CHMP1A: variants seen among roughly 807,000 people sequenced by gnomAD.
CHMP1A encodes the protein VPS46 homolog A.
A neutral mutation model predicts 27.0 loss-of-function variants in CHMP1A; 17 were observed. The ratio of observed to expected loss-of-function variants is 0.63; its 90% CI spans 0.43 to 0.95. CHMP1A has a LOEUF of 0.95. Ranked by LOEUF, CHMP1A falls within the 40% of genes least tolerant of loss-of-function variation. CHMP1A has a pLI of 0.00. For synonymous variants in CHMP1A, 131 were observed against 107.5 expected (o/e 1.22, Z -1.35); for missense variants, 275 against 264.0 (o/e 1.04, Z -0.29).
chr16:89,655,363 T>TCAGCTTTCCCTCAC (rs2059856214), intron 1 of CHMP1A, among the ~76,000 whole-genome samples: 6 of 120,358 alleles, frequency 5.0e-5, no homozygotes, highest in South Asian at 3.1e-4. Flanking sequence ...GCCCTCCTCA[T>TCAGCTTTCCCTCAC]CTCAGCTTTC....
intron 2 of CHMP1A, among the ~76,000 whole-genome samples, chr16:89,653,104 G>T (rs1175222437): frequency 7.3e-6 from 1 of 136,540 alleles, no homozygotes; most frequent in Non-Finnish European, 1.5e-5. Context: ...TGCAAGCTCT[G>T]CCTCCCAGGT....
At position 89,657,672 on chromosome 16, in the gene CHMP1A, G is replaced by C; in HGVS notation, c.-84C>G. ...GTCAGGTCCCGGCGGCGATCGAACC[G>C]ACCAAGCTGCACCCGGCGGGGACTT... On this transcript the variant is annotated 5_prime_UTR_variant, in exon 1 of 7. Coordinates refer to ENST00000397901, the MANE Select transcript of CHMP1A (RefSeq NM_002768.5). The C allele has an allele frequency of 6.4e-7, 1 of 1,564,532 alleles. No individual in the cohort carries two copies. Among genetic ancestry groups the C allele is most frequent in the Non-Finnish European group, 8.7e-7 (1 of 1,145,200 alleles).
In CHMP1A at chr16:89,646,137, G is replaced by GACC. The variant is rs767557216; in HGVS notation, c.570-53_570-51dup. The GACC allele has an allele frequency of 2.7e-6, 4 of 1,487,154 alleles. No individual in the cohort carries two copies. The Admixed American group carries it at 9.0e-5, about 33-fold the overall frequency. 92.1% of individuals were successfully genotyped at this position (1,487,154 alleles called of 1,614,324 possible). On this transcript the variant is annotated intron_variant, in intron 6 of 6. Transcript: ENST00000397901. ...GTCAGGGCAGGGGAAGGGGGCCTCTGACCACCACGTGCTCCCAGCACAGGT... is the reference window on the plus strand; with the variant it reads ...GTCAGGGCAGGGGAAGGGGGCCTCTGACCACCACCACGTGCTCCCAGCACAGGT...
intron 2 of CHMP1A, 128 bp from the exon 3 acceptor site, chr16:89,651,774 T>C: frequency 1.1e-6 from 1 of 870,130 alleles, no homozygotes; most frequent in Non-Finnish European, 1.7e-6. Context: ...TCAGCCAGCC[T>C]GGGCCCAGCA....
At chr16:89,656,805 G>C (rs1006750406) in intron 1 of CHMP1A, among the ~76,000 whole-genome samples, 5 of 152,088 alleles carry the variant, frequency 3.3e-5, no homozygotes, top group Non-Finnish European at 5.9e-5. Context: ...AGTCCCGAAA[G>C]GCCGAACAGG....
chr16:89,651,684 G>A, intron 2 of CHMP1A, 38 bp from the exon 3 acceptor site: 1 of 1,605,906 alleles, frequency 6.2e-7, no homozygotes, highest in South Asian at 1.1e-5. Flanking sequence ...CAGACATGCG[G>A]AGCCCATCCC....
rs747260304 is a variant in CHMP1A, at chr16:89,647,239, G to C, written c.345C>G (p.Phe115Leu). 3 of 1,609,370 alleles carry C rather than the reference G, an allele frequency of 1.9e-6. No homozygotes were observed. The South Asian group carries it at 3.3e-5, about 18-fold the overall frequency. ...CGTCCAGGTTCTGCACCTGCTGCTC[G>C]AACCTGTCCATCACTGAGGAGACCT... ...LQKVSSVMDRFEQQVQNLDVH... is the reference protein window; with the variant it reads ...LQKVSSVMDRLEQQVQNLDVH... The change falls in exon 5 of 7, where the codon TTC (phenylalanine) becomes TTG (leucine). Residue 115 changes from phenylalanine (F) to leucine (L), a missense_variant. By Grantham distance (22) the Phe-to-Leu change is conservative. Transcript: ENST00000397901.
At chr16:89,653,614 C>G (rs1256023922) in intron 2 of CHMP1A, among the ~76,000 whole-genome samples, 1 of 88,698 alleles carries the variant, frequency 1.1e-5, no homozygotes, top group South Asian at 4.5e-4. Flanking sequence ...CGGAGTGAGA[C>G]GCCGTCTCAA....
intron 2 of CHMP1A, 112 bp from the exon 3 acceptor site, chr16:89,651,758 C>T (rs1178999697): frequency 3.0e-6 from 3 of 1,012,630 alleles, no homozygotes; most frequent in Non-Finnish European, 4.3e-6. Flanking sequence ...GGTTCCTAAG[C>T]CCCCATCAGC....
intron 4 of CHMP1A, 165 bp downstream of exon 4, chr16:89,649,184 CAG>C: frequency 2.5e-6 from 1 of 406,082 alleles, no homozygotes; most frequent in Non-Finnish European, 3.8e-6. Flanking sequence ...CACGCTGATC[CAG>C]CCCTCAACCT....
intron 1 of CHMP1A, among the ~76,000 whole-genome samples, chr16:89,654,798 C>T (rs542965179): frequency 3.9e-5 from 6 of 152,098 alleles, no homozygotes; most frequent in African/African-American, 1.4e-4. Context: ...AAAAAATTAG[C>T]CAGGCGTGGT....
chr16:89,651,606 T>C lies in CHMP1A; in HGVS notation c.68A>G (p.Glu23Gly). ...GGCCTGCTCCGCCTTGGAGTCCTTC[T>C]CCGCCTTCTTGGCCAGCTTCTCCAG... ...KQLEKLAKKA[E>G]KDSKAEQAKV... Residue 23 changes from glutamate (E) to glycine (G), a missense_variant, in exon 3 of 7, where the codon GAG (glutamate) becomes GGG (glycine). Coordinates refer to ENST00000397901, the MANE Select transcript of CHMP1A (RefSeq NM_002768.5). The C allele has an allele frequency of 6.2e-7, 1 of 1,613,746 alleles. No homozygotes were observed. The highest frequency in any genetic ancestry group is 1.3e-5 in the African/African-American group (1 of 75,038).
At chr16:89,653,945 A>C (rs757376167) in intron 1 of CHMP1A, 22 bp from the exon 2 acceptor site, 14 of 1,612,942 alleles carry the variant, frequency 8.7e-6, no homozygotes, top group Non-Finnish European at 1.2e-5. Flanking sequence ...GAGGGAATTA[A>C]TGGTTTGAGG....
At chr16:89,656,197 C>A (rs969844346) in intron 1 of CHMP1A, among the ~76,000 whole-genome samples, 1 of 152,176 alleles carries the variant, frequency 6.6e-6, no homozygotes, top group Non-Finnish European at 1.5e-5. Flanking sequence ...AGTGAAGTGG[C>A]GCGATCTCGG....
chr16:89,651,176 G>A (rs527403947), intron 3 of CHMP1A, among the ~76,000 whole-genome samples: 93 of 152,142 alleles, frequency 6.1e-4, no homozygotes, highest in African/African-American at 1.8e-3. Flanking sequence ...ATAAGAGTTC[G>A]AGACCGGCCT....
At chr16:89,646,871 A>C (rs1567999633) in intron 5 of CHMP1A, 157 bp from the exon 6 acceptor site, 37 of 1,064,618 alleles carry the variant, frequency 3.5e-5, no homozygotes, top group Non-Finnish European at 2.7e-6. Context: ...ACCTTCCACC[A>C]GGAGCCTTTC....
At position 89,645,706 on chromosome 16, in the gene CHMP1A, G is replaced by T; in HGVS notation, c.*360C>A. 2.4e-6 allele frequency: 1 copy of T among 412,278 alleles called. No individual in the cohort carries two copies. The highest frequency in any genetic ancestry group is 4.4e-6 in the Non-Finnish European group (1 of 226,770). 25.5% of individuals were successfully genotyped at this position (412,278 alleles called of 1,614,324 possible). A position where few individuals can be genotyped will look rare whatever the true frequency, so the allele number is the denominator to read the frequency against. On this transcript the variant is annotated 3_prime_UTR_variant, in exon 7 of 7. Coordinates refer to ENST00000397901, the MANE Select transcript of CHMP1A (RefSeq NM_002768.5). Reference sequence around the variant, plus strand: ...CCTCAGGGAGTTGTTTGGCAACAGGGCAGCCCTGACCCCCTCTGGCTGATG... The same window carrying T: ...CCTCAGGGAGTTGTTTGGCAACAGGTCAGCCCTGACCCCCTCTGGCTGATG...
intron 6 of CHMP1A, among the ~76,000 whole-genome samples, chr16:89,646,315 C>T (rs1272918490): frequency 6.6e-6 from 1 of 152,200 alleles, no homozygotes; most frequent in South Asian, 2.1e-4. Context: ...GACACACACT[C>T]AAGCCCCCAC....
At chr16:89,653,754 C>T (rs1352611817) in intron 2 of CHMP1A, 150 bp downstream of exon 2, 2 of 770,054 alleles carry the variant, frequency 2.6e-6, no homozygotes, top group African/African-American at 3.5e-5. Flanking sequence ...CTCAATAATC[C>T]CCTCCTTGGT....
Sources: allele counts gnomAD v4.1 joint callset (sites outside exome capture counted in the v4.1 genomes callset), GRCh38; gene constraint gnomAD v4.1.1; transcripts MANE v1.5; gene names NCBI Gene and HGNC (gene_info 2026-07-23, HGNC 2026-07-21).